Variants in ZNF30 observed in about 807,000 individuals in gnomAD.
The protein encoded by ZNF30 is zinc finger protein 30.
In ZNF30, 15 loss-of-function variants were observed where a neutral mutation model predicts 13.2. The observed-to-expected ratio is 1.13, with a 90% CI of 0.76 to 1.75. The LOEUF is 1.75. Ranked by LOEUF, ZNF30 falls within the 40% of genes most tolerant of loss-of-function variation. ZNF30 has a pLI of 0.00. For synonymous variants in ZNF30, 223 were observed against 256.6 expected, an observed-to-expected ratio of 0.87 and a Z score of 1.25; for missense variants, 726 against 757.0, an observed-to-expected ratio of 0.96 and a Z score of 0.48.
In ZNF30 at chr19:34,943,577, T is replaced by A. The variant is rs1273789290; in HGVS notation, c.611T>A (p.Leu204His). Residue 204 changes from leucine (L) to histidine (H), a missense_variant, in exon 5 of 5, where the codon CTC becomes CAC. Physicochemically the swap from Leu to His is moderately conservative, Grantham distance 99. Transcript: ENST00000601142. The part of the protein sequence containing the change: ...HGRIHTGEKP[L>H]KCKQCGKTIS... The stretch of plus-strand genomic sequence containing the variant: ...AGAATTCACACTGGTGAGAAGCCAC[T>A]CAAATGTAAGCAATGTGGAAAGACT... 1 of 1,613,198 alleles carries A rather than the reference T, an allele frequency of 6.2e-7. No individual in the cohort carries two copies. Among genetic ancestry groups the A allele is most frequent in the Admixed American group, 1.7e-5 (1 of 59,926 alleles).
At chr19:34,932,386 T>G in intron 3 of ZNF30, among the ~76,000 whole-genome samples, 1 of 152,202 alleles carries the variant, frequency 6.6e-6, no homozygotes, top group African/African-American at 2.4e-5. Flanking sequence ...TCATATAAAA[T>G]AATCTGATTT....
At position 34,944,057 on chromosome 19, in the gene ZNF30, G is replaced by T; in HGVS notation, c.1091G>T (p.Arg364Leu). 3.7e-6 allele frequency: 6 copies of T among 1,614,080 alleles called. No individual in the cohort carries two copies. Among genetic ancestry groups the T allele is most frequent in the Non-Finnish European group, 5.1e-6 (6 of 1,179,986 alleles). Residue 364 changes from arginine (R) to leucine (L), a missense_variant, in exon 5 of 5, where the codon CGA (arginine) becomes CTA (leucine). Coordinates refer to ENST00000601142, the MANE Select transcript of ZNF30 (RefSeq NM_194325.3). ...AGTTCCTTCCTTCATGCACATCAGC[G>T]AATTCATGCAGAGATAAAGCCCTAC... The part of the protein sequence containing the change: ...RLSSFLHAHQ[R>L]IHAEIKPYGC...
intron 4 of ZNF30, among the ~76,000 whole-genome samples, chr19:34,936,522 G>C (rs1363163568): frequency 6.6e-6 from 1 of 152,114 alleles, no homozygotes; most frequent in East Asian, 1.9e-4. Flanking sequence ...GATGACTCCT[G>C]CTCATCCAAG....
At chr19:34,942,554 T>C in intron 4 of ZNF30, 1 of 1,071,572 alleles carries the variant, frequency 9.3e-7, no homozygotes, top group African/African-American at 1.6e-5. Flanking sequence ...CAGTTTACCA[T>C]ATTCCTGATA....
At chr19:34,928,220 A>AAAAAAAATATAT (rs1555778254) in intron 1 of ZNF30, among the ~76,000 whole-genome samples, 1 of 73,416 alleles carries the variant, frequency 1.4e-5, no homozygotes, top group Non-Finnish European at 2.6e-5. Flanking sequence ...AAAAAAAAAA[A>AAAAAAAATATAT]ATATATATAT....
upstream of ZNF30, among the ~76,000 whole-genome samples, chr19:34,925,487 G>A (rs2012035984): frequency 6.6e-6 from 1 of 152,178 alleles, no homozygotes; most frequent in African/African-American, 2.4e-5. Flanking sequence ...GCCTGCCCGC[G>A]TGCCAGCGTC....
At position 34,943,532 on chromosome 19, in the gene ZNF30, C is replaced by G; in HGVS notation, c.566C>G (p.Ser189Ter). ...TGTGGGAAGGCCTTTATCAGTGGCT[C>G]AGCCTTTGTTAAGCATGGGAGAATT... Reference protein sequence around the residue: ...EKCGKAFISGSAFVKHGRIHT... With the variant: ...EKCGKAFISG Residue 189 changes from serine (S) to a stop codon, truncating the protein, a stop_gained, in exon 5 of 5, where the codon TCA (serine) becomes TGA (stop). Coordinates refer to ENST00000601142, the MANE Select transcript of ZNF30 (RefSeq NM_194325.3). LOFTEE classifies it low-confidence loss of function (END_TRUNC). 2.5e-6 allele frequency: 4 copies of G among 1,613,648 alleles called. No individual in the cohort carries two copies. Among genetic ancestry groups the G allele is most frequent in the Non-Finnish European group, 3.4e-6 (4 of 1,179,776 alleles).
rs1811 is a variant in ZNF30 at position 34,943,334 on chromosome 19, A to G, written c.368A>G (p.Gln123Arg). Residue 123 changes from glutamine (Q) to arginine (R), a missense_variant, in exon 5 of 5, where the codon CAG becomes CGG. Transcript: ENST00000601142. ...AGTAGACAGAAACCACGTGAATGTC[A>G]GGAATATGGAAAGACCCTTTGTCAA... Reference protein sequence around the residue: ...KISRQKPRECQEYGKTLCQDS... With the variant: ...KISRQKPRECREYGKTLCQDS... The G allele has an allele frequency of 0.49, 797,155 of 1,613,456 alleles. 200,532 individuals carry two copies. Among genetic ancestry groups the G allele is most frequent in the African/African-American group, 0.68 (51,129 of 74,898 alleles).
chr19:34,943,399 G>C lies in ZNF30; in HGVS notation c.433G>C (p.Glu145Gln), dbSNP rs758203049. 4.3e-6 allele frequency: 7 copies of C among 1,613,906 alleles called. No individual in the cohort carries two copies. Among genetic ancestry groups the C allele is most frequent in the Non-Finnish European group, 5.9e-6 (7 of 1,179,886 alleles). Residue 145 changes from glutamate (E) to glutamine (Q), a missense_variant, in exon 5 of 5, where the codon GAA (glutamate) becomes CAA (glutamine). Physicochemically the swap from Glu to Gln is conservative, Grantham distance 29. Transcript: ENST00000601142. ...PVQHERIHSS[E>Q]KPNRCKECGK... The stretch of plus-strand genomic sequence containing the variant: ...TCAACATGAAAGAATACATAGTAGT[G>C]AAAAACCCAACAGATGTAAAGAATG...
At chr19:34,939,128 TCCCC>T (rs1568541695) in intron 4 of ZNF30, among the ~76,000 whole-genome samples, 1 of 67,384 alleles carries the variant, frequency 1.5e-5, no homozygotes, top group Non-Finnish European at 2.6e-5. Context: ...TTGTCTCCCC[TCCCC>T]TCCCCTCCCC....
At chr19:34,939,013 G>A (rs1314571024) in intron 4 of ZNF30, among the ~76,000 whole-genome samples, 3 of 152,012 alleles carry the variant, frequency 2.0e-5, no homozygotes, top group Admixed American at 6.6e-5. Context: ...CACAGAAGAC[G>A]TGCCATTTAA....
intron 4 of ZNF30, among the ~76,000 whole-genome samples, chr19:34,941,024 GAAT>G (rs1223589237): frequency 1.3e-5 from 2 of 152,164 alleles, no homozygotes; most frequent in African/African-American, 4.8e-5. Context: ...CTTCTCATAA[GAAT>G]AATATTTCTT....
chr19:34,941,337 T>C (rs2013037390), intron 4 of ZNF30, among the ~76,000 whole-genome samples: 1 of 152,242 alleles, frequency 6.6e-6, no homozygotes. Context: ...CGATCTTGGC[T>C]TACTGCAGCC....
upstream of ZNF30, among the ~76,000 whole-genome samples, chr19:34,926,123 G>T (rs1012409647): frequency 2.6e-5 from 4 of 152,184 alleles, no homozygotes; most frequent in Admixed American, 6.5e-5. Context: ...ACAGTAAGCC[G>T]AGATAGCGCC....
chr19:34,940,475 C>G (rs1189672279), intron 4 of ZNF30, among the ~76,000 whole-genome samples: 2 of 152,060 alleles, frequency 1.3e-5, no homozygotes, highest in Admixed American at 6.5e-5. Context: ...CGACACCAGC[C>G]TGGCCAACAT....
chr19:34,935,317 A>G (rs1361408967), intron 4 of ZNF30, among the ~76,000 whole-genome samples: 1 of 152,224 alleles, frequency 6.6e-6, no homozygotes, highest in African/African-American at 2.4e-5. Flanking sequence ...GAATTTTCAT[A>G]TACCCTTCAA....
intron 4 of ZNF30, among the ~76,000 whole-genome samples, chr19:34,937,289 A>G (rs1311589567): frequency 6.6e-6 from 1 of 152,172 alleles, no homozygotes; most frequent in African/African-American, 2.4e-5. Context: ...CAGGGATTAC[A>G]GGCGTGAGCT....
upstream of ZNF30, among the ~76,000 whole-genome samples, chr19:34,925,230 A>G (rs905463147): frequency 1.3e-5 from 2 of 152,194 alleles, no homozygotes; most frequent in African/African-American, 4.8e-5. Flanking sequence ...ATGTTAGTCA[A>G]TTCAATTAGA....
intron 1 of ZNF30, among the ~76,000 whole-genome samples, chr19:34,927,945 G>A (rs2012166473): frequency 6.6e-6 from 1 of 152,128 alleles, no homozygotes; most frequent in Non-Finnish European, 1.5e-5. Context: ...GCTCATGCCT[G>A]TAATCCCAGC....
Sources: allele counts gnomAD v4.1 joint callset (sites outside exome capture counted in the v4.1 genomes callset), GRCh38; gene constraint gnomAD v4.1.1; transcripts MANE v1.5; gene names NCBI Gene and HGNC (gene_info 2026-07-23, HGNC 2026-07-21).